Variants in DAPK2 observed in about 807,000 individuals in gnomAD.
The protein encoded by DAPK2 is death-associated protein kinase 2.
A neutral mutation model predicts 44.1 loss-of-function variants in DAPK2; 35 were observed. The observed-to-expected ratio is 0.79, with a 90% CI of 0.61 to 1.05. DAPK2 has a LOEUF of 1.05. Among genes scored for constraint, DAPK2 ranks in the 50% least tolerant of loss-of-function variants. DAPK2 has a pLI of 0.00. For synonymous variants in DAPK2, 174 were observed against 182.6 expected (o/e 0.95, Z 0.38); for missense variants, 453 against 483.2 (o/e 0.94, Z 0.59).
At chr15:64,007,188 CT>C (rs1309299281) in intron 1 of DAPK2, among the ~76,000 whole-genome samples, 7 of 152,172 alleles carry the variant, frequency 4.6e-5, no homozygotes, top group Admixed American at 3.9e-4. Context: ...TGGTCCTGAA[CT>C]CCTGGTCTCC....
chr15:63,955,052 G>A (rs1351551010), intron 3 of DAPK2, among the ~76,000 whole-genome samples: 1 of 152,132 alleles, frequency 6.6e-6, no homozygotes, highest in African/African-American at 2.4e-5. Flanking sequence ...CAATTTTTTG[G>A]TGGAGTCTTC....
At chr15:63,971,470 C>A (rs534412704) in exon 3 of DAPK2, 1 of 1,614,206 alleles carries the variant, frequency 6.2e-7, no homozygotes, top group African/African-American at 1.3e-5. Context: ...TAGTTCACCC[C>A]ATCCAGGATC....
intron 1 of DAPK2, among the ~76,000 whole-genome samples, chr15:64,003,007 T>A (rs2079135711): frequency 6.6e-6 from 1 of 150,378 alleles, no homozygotes; most frequent in Non-Finnish European, 1.5e-5. Flanking sequence ...TGTGTGTGTG[T>A]GTGTGTGTCG....
intron 3 of DAPK2, among the ~76,000 whole-genome samples, chr15:63,955,734 A>C (rs1567230802): frequency 6.6e-6 from 1 of 151,848 alleles, no homozygotes; most frequent in South Asian, 2.1e-4. Flanking sequence ...CACCCAGCTA[A>C]TTTTTGTATT....
chr15:63,908,564 T>C lies in DAPK2; in HGVS notation c.1069A>G (p.Arg357Gly), dbSNP rs530845034. ...CTCCGTGGGTGGAGGGCTTTCCTCC[T>C]GGCGATGTCCTCCTCAGTGTCACTC... Residue 357 changes from arginine to glycine, a missense_variant, in exon 11 of 11, where the codon AGG (arginine) becomes GGG (glycine). Physicochemically the swap from Arg to Gly is moderately radical, Grantham distance 125 (BLOSUM62 -2). Transcript: ENST00000261891. The surrounding 1 kb of genome is among the most constrained non-coding windows in gnomAD (Gnocchi z 5.7). 7.0e-5 allele frequency: 112 copies of C among 1,602,916 alleles called. 1 individual carries two copies. In the South Asian group the frequency reaches 9.0e-4, roughly 13 times the overall value.
intron 2 of DAPK2, among the ~76,000 whole-genome samples, chr15:63,973,500 G>A (rs1198495719): frequency 2.0e-5 from 3 of 152,180 alleles, no homozygotes; most frequent in Non-Finnish European, 4.4e-5. Flanking sequence ...ATGGGAATGT[G>A]TATCCTCTGC....
At position 63,980,243 on chromosome 15, in the gene DAPK2, T is replaced by C. The variant is rs906029337; in HGVS notation, c.314+3290A>G. Among the ~76,000 whole-genome samples the C allele has an allele frequency of 4.6e-5, 7 of 152,176 alleles. No individual in the cohort carries two copies. The highest frequency in any genetic ancestry group is 6.5e-5 in the Admixed American group (1 of 15,272). On this transcript the variant is annotated intron_variant, in intron 2 of 10. Coordinates refer to ENST00000261891, the Ensembl canonical transcript of DAPK2. This position sits in a 1 kb window ranked among gnomAD's most constrained non-coding sequence, Gnocchi z 4.3. ...CATAACTGGCTGACCATGAGCCCTG[T>C]TGGGAAAAACACAGACATCTCAAGA...
intron 3 of DAPK2, among the ~76,000 whole-genome samples, chr15:63,968,565 T>C (rs1475606672): frequency 6.6e-6 from 1 of 152,214 alleles, no homozygotes; most frequent in Non-Finnish European, 1.5e-5. Context: ...GTAACAAAAG[T>C]TCTATTTCCT....
At chr15:64,037,437 T>C (rs530788460) in intron 1 of DAPK2, among the ~76,000 whole-genome samples, 102 of 152,362 alleles carry the variant, frequency 6.7e-4, no homozygotes, top group African/African-American at 2.4e-3. Flanking sequence ...TTGCAGGGCA[T>C]CCTTTTCTCT....
At chr15:63,967,368 C>T (rs190650396) in intron 3 of DAPK2, among the ~76,000 whole-genome samples, 1 of 152,100 alleles carries the variant, frequency 6.6e-6, no homozygotes, top group East Asian at 1.9e-4. Flanking sequence ...CCTGTTTTTA[C>T]CAATACTGCT....
At chr15:63,975,051 T>C (rs1021167083) in intron 2 of DAPK2, among the ~76,000 whole-genome samples, 2 of 152,234 alleles carry the variant, frequency 1.3e-5, no homozygotes, top group Non-Finnish European at 2.9e-5. Flanking sequence ...TCTCCTTGGC[T>C]GAGAGAGGGG....
rs966640400 is a variant in DAPK2 at position 63,966,126 on chromosome 15, C to T, written c.453+5297G>A. Reference sequence around the variant, plus strand: ...ACTGCTGACTATTCAGGGCCCAGGGCCTCTGTAGTCAGCAGGTGATGAATC... The same window carrying T: ...ACTGCTGACTATTCAGGGCCCAGGGTCTCTGTAGTCAGCAGGTGATGAATC... On this transcript the variant is annotated intron_variant, in intron 3 of 10. Transcript: ENST00000261891. The surrounding 1 kb of genome is among the most constrained non-coding windows in gnomAD (Gnocchi z 5.5). Among the ~76,000 whole-genome samples the T allele has an allele frequency of 1.3e-5, 2 of 152,168 alleles. No homozygotes were observed. The highest frequency in any genetic ancestry group is 2.4e-5 in the African/African-American group (1 of 41,434).
chr15:63,911,768 G>A, intron 10 of DAPK2, 140 bp downstream of exon 11: 1 of 832,034 alleles, frequency 1.2e-6, no homozygotes, highest in Non-Finnish European at 2.0e-6. Flanking sequence ...AGCCTTCAGG[G>A]AAGAGGAGGA....
At chr15:63,942,887 T>A (rs1276091662) in intron 3 of DAPK2, among the ~76,000 whole-genome samples, 3 of 152,070 alleles carry the variant, frequency 2.0e-5, no homozygotes, top group Non-Finnish European at 4.4e-5. Flanking sequence ...TCTGCTTGTC[T>A]CCCTCTACTG....
intron 3 of DAPK2, among the ~76,000 whole-genome samples, chr15:63,961,025 G>A (rs1281588873): frequency 1.3e-5 from 2 of 152,150 alleles, no homozygotes; most frequent in African/African-American, 4.8e-5. Flanking sequence ...ATGAATCTGG[G>A]TGCTCCTGTA....
At chr15:63,925,707 C>CAG (rs2079234090) in intron 7 of DAPK2, among the ~76,000 whole-genome samples, 3 of 151,992 alleles carry the variant, frequency 2.0e-5, no homozygotes, top group African/African-American at 7.3e-5. Flanking sequence ...CACACACACA[C>CAG]ACACACACAC....
At chr15:64,009,971 T>C (rs2141015182) in intron 1 of DAPK2, among the ~76,000 whole-genome samples, 1 of 152,276 alleles carries the variant, frequency 6.6e-6, no homozygotes, top group South Asian at 2.1e-4. Flanking sequence ...CCAGCACAGT[T>C]GGGCTGTGGG....
chr15:64,044,022 G>T (rs1385569707), upstream of DAPK2, among the ~76,000 whole-genome samples: 3 of 152,156 alleles, frequency 2.0e-5, no homozygotes, highest in Non-Finnish European at 4.4e-5. Flanking sequence ...AGGCGAATTT[G>T]CATTTTACCA....
intron 3 of DAPK2, among the ~76,000 whole-genome samples, chr15:63,954,069 TG>T (rs1225438682): frequency 1.3e-5 from 2 of 152,216 alleles, no homozygotes; most frequent in Non-Finnish European, 2.9e-5. Flanking sequence ...CCTTGTCAAA[TG>T]GGTTGTTTGT....
Sources: allele counts gnomAD v4.1 joint callset (sites outside exome capture counted in the v4.1 genomes callset), GRCh38; gene constraint gnomAD v4.1.1; non-coding constraint Gnocchi (gnomAD v3.1); transcripts MANE v1.5; gene names NCBI Gene and HGNC (gene_info 2026-07-23, HGNC 2026-07-21).